Variants in PCDH15 observed in about 807,000 individuals in gnomAD.
The protein encoded by PCDH15 is protocadherin related 15.
PCDH15 carries 129 observed loss-of-function variants against 178.5 expected under a neutral mutation model. That is an observed-to-expected ratio of 0.72 (90% CI 0.63 to 0.84). PCDH15 has a LOEUF of 0.84. Ranked by LOEUF, PCDH15 falls within the 40% of genes least tolerant of loss-of-function variation. PCDH15 has a pLI of 0.00. For synonymous variants in PCDH15, 800 were observed against 732.0 expected (o/e 1.09, Z -1.50); for missense variants, 2,230 against 2,099.9 (o/e 1.06, Z -1.21).
chr10:54,084,799 G>A (rs2094492019), intron 16 of PCDH15, among the ~76,000 whole-genome samples: 1 of 152,110 alleles, frequency 6.6e-6, no homozygotes, highest in Non-Finnish European at 1.5e-5. Flanking sequence ...TTAAAATTTT[G>A]TTAAAAATTC....
intron 18 of PCDH15, among the ~76,000 whole-genome samples, chr10:54,049,860 C>T (rs1214636725): frequency 1.4e-4 from 21 of 152,120 alleles, no homozygotes; most frequent in Non-Finnish European, 1.5e-5. Flanking sequence ...ACCTTGTGAT[C>T]CACCCTCCTC....
At chr10:54,643,794 C>T (rs1369748337) in intron 2 of PCDH15, among the ~76,000 whole-genome samples, 5 of 131,816 alleles carry the variant, frequency 3.8e-5, no homozygotes, top group African/African-American at 1.4e-4. Context: ...TTTGGCTTAG[C>T]TCTGGTTCAT....
intron 26 of PCDH15, among the ~76,000 whole-genome samples, chr10:53,899,269 T>G (rs1589316253): frequency 6.6e-6 from 1 of 152,078 alleles, no homozygotes; most frequent in Middle Eastern, 3.4e-3. Context: ...AAAATGAACT[T>G]AGAACCTAAG....
intron 2 of PCDH15, among the ~76,000 whole-genome samples, chr10:54,648,188 A>G (rs1346003003): frequency 1.3e-5 from 2 of 152,120 alleles, no homozygotes; most frequent in Non-Finnish European, 2.9e-5. Flanking sequence ...AGAAAATTAG[A>G]AGGAATGTTG....
At chr10:55,022,413 C>T (rs957840298) in intron 2 of PCDH15, among the ~76,000 whole-genome samples, 30 of 139,778 alleles carry the variant, frequency 2.1e-4, no homozygotes, top group Non-Finnish European at 3.0e-5. Flanking sequence ...GATCATGTCA[C>T]TGCATTCCAG....
chr10:54,740,263 G>C (rs1025972869), intron 1 of PCDH15, among the ~76,000 whole-genome samples: 1 of 151,860 alleles, frequency 6.6e-6, no homozygotes, highest in Non-Finnish European at 1.5e-5. Context: ...ACACCAGTAG[G>C]TATGTGAAAA....
chr10:53,852,536 G>A (rs764825862), intron 28 of PCDH15, among the ~76,000 whole-genome samples: 4 of 152,108 alleles, frequency 2.6e-5, no homozygotes. Flanking sequence ...TCAGTGAGGT[G>A]AGGAGTAATC....
chr10:54,835,737 T>G lies in PCDH15; in HGVS notation c.-29+61713A>C, dbSNP rs73254095. Among the ~76,000 whole-genome samples, 561 of 152,258 alleles carry G rather than the reference T, an allele frequency of 3.7e-3. 1 individual carries two copies. Among genetic ancestry groups the G allele is most frequent in the African/African-American group, 0.013 (539 of 41,562 alleles). ...ACAGCATTCAGAGGAAATTCATCAA[T>G]ATTCAGAAAAATATATAAAATTGTA... is the stretch of plus-strand genomic sequence containing the variant. On this transcript the variant is annotated intron_variant, in intron 3 of 5. Coordinates refer to the PCDH15 transcript ENST00000458638.
At chr10:54,475,396 C>T (rs9415337) in intron 3 of PCDH15, among the ~76,000 whole-genome samples, 139,100 of 151,978 alleles carry the variant, frequency 0.92, 63,911 homozygotes, top group African/African-American at 0.98. Context: ...ATTTATGTAA[C>T]ATTTTTAAGC....
intron 3 of PCDH15, among the ~76,000 whole-genome samples, chr10:54,395,710 TACTG>T (rs1378172962): frequency 1.3e-5 from 2 of 151,694 alleles, no homozygotes; most frequent in African/African-American, 4.9e-5. Flanking sequence ...ATACACAATA[TACTG>T]ACTGCCTTAT....
intron 1 of PCDH15, among the ~76,000 whole-genome samples, chr10:54,800,299 G>C (rs1321586467): frequency 6.6e-6 from 1 of 152,170 alleles, no homozygotes; most frequent in African/African-American, 2.4e-5. Flanking sequence ...CATTAATTCT[G>C]TATTAGAAGG....
At chr10:54,201,164 A>G (rs949253509) in intron 10 of PCDH15, among the ~76,000 whole-genome samples, 1 of 152,120 alleles carries the variant, frequency 6.6e-6, no homozygotes, top group Non-Finnish European at 1.5e-5. Flanking sequence ...AAAAGTGAAA[A>G]CCACTTTTTT....
intron 5 of PCDH15, among the ~76,000 whole-genome samples, chr10:54,364,308 T>C (rs567302141): frequency 8.9e-4 from 135 of 152,248 alleles, no homozygotes; most frequent in African/African-American, 3.0e-3. Flanking sequence ...GGTAGTTCTA[T>C]ATATAATAAT....
chr10:54,699,981 G>A (rs1027667108), intron 1 of PCDH15, among the ~76,000 whole-genome samples: 1 of 151,972 alleles, frequency 6.6e-6, no homozygotes, highest in African/African-American at 2.4e-5. Flanking sequence ...TACAAATGAT[G>A]CTCAGTAAAA....
At chr10:55,275,706 T>TC (rs1437635045) in intron 1 of PCDH15, among the ~76,000 whole-genome samples, 2 of 133,070 alleles carry the variant, frequency 1.5e-5, no homozygotes, top group Admixed American at 7.4e-5. Flanking sequence ...CTTGTCTCTC[T>TC]TTTTTTTTTT....
At chr10:54,481,021 C>T (rs1449212687) in intron 3 of PCDH15, among the ~76,000 whole-genome samples, 1 of 151,798 alleles carries the variant, frequency 6.6e-6, no homozygotes, top group Non-Finnish European at 1.5e-5. Flanking sequence ...TGTCTATGTC[C>T]TTTCCAACTC....
At chr10:54,415,451 GA>G (rs1452852939) in intron 3 of PCDH15, among the ~76,000 whole-genome samples, 3 of 151,590 alleles carry the variant, frequency 2.0e-5, no homozygotes, top group Non-Finnish European at 2.9e-5. Flanking sequence ...AACAAGAGAA[GA>G]AAAAAAGGTA....
At chr10:53,983,072 T>C (rs2090801148) in intron 21 of PCDH15, among the ~76,000 whole-genome samples, 1 of 152,188 alleles carries the variant, frequency 6.6e-6, no homozygotes, top group East Asian at 1.9e-4. Flanking sequence ...ACAAATATTT[T>C]ACCCCGACAT....
intron 2 of PCDH15, among the ~76,000 whole-genome samples, chr10:55,160,333 T>G (rs545182258): frequency 1.3e-5 from 2 of 151,670 alleles, no homozygotes; most frequent in South Asian, 4.2e-4. Flanking sequence ...GAAAACATAC[T>G]AGCAACTGCC....
Sources: allele counts gnomAD v4.1 joint callset (sites outside exome capture counted in the v4.1 genomes callset), GRCh38; gene constraint gnomAD v4.1.1; transcripts MANE v1.5; gene names NCBI Gene and HGNC (gene_info 2026-07-23, HGNC 2026-07-21).